PIK3R4: variants seen among roughly 807,000 people sequenced by gnomAD.
PIK3R4 encodes phosphoinositide 3-kinase regulatory subunit 4.
Under a neutral mutation model 136.5 loss-of-function variants are expected in PIK3R4, and 46 were observed. That is an observed-to-expected ratio of 0.34 (90% CI 0.27 to 0.43). The LOEUF is 0.43. Ranked by LOEUF, PIK3R4 falls within the 20% of genes least tolerant of loss-of-function variation. The probability of loss-of-function intolerance (pLI) is 1.00; values close to 1 mark genes in which losing one functional copy is unlikely to be tolerated. For missense variants in PIK3R4, 1,331 were observed against 1,649.5 expected (o/e 0.81, Z 3.35); for synonymous variants, 557 against 566.7 (o/e 0.98, Z 0.24).
intron 3 of PIK3R4, among the ~76,000 whole-genome samples, chr3:130,735,466 T>C (rs539048781): frequency 7.9e-5 from 12 of 152,338 alleles, no homozygotes; most frequent in African/African-American, 2.6e-4. Context: ...CTATATGCAA[T>C]GGCCCTGTAT....
chr3:130,679,692 C>CACTT (rs1449804808), intron 19 of PIK3R4, among the ~76,000 whole-genome samples: 1 of 152,026 alleles, frequency 6.6e-6, no homozygotes, highest in Admixed American at 6.5e-5. Context: ...CATGAGTAGC[C>CACTT]ACTTATAACT....
intron 2 of PIK3R4, 117 bp downstream of exon 2, chr3:130,744,369 G>T: frequency 8.8e-7 from 1 of 1,141,972 alleles, no homozygotes; most frequent in African/African-American, 1.5e-5. Flanking sequence ...AATAGCGTCT[G>T]AGGACAAACC....
At chr3:130,736,214 A>G (rs768624721) in intron 2 of PIK3R4, among the ~76,000 whole-genome samples, 1 of 152,194 alleles carries the variant, frequency 6.6e-6, no homozygotes, top group Non-Finnish European at 1.5e-5. Context: ...GTCAAAGAAG[A>G]GCCATACAAT....
At chr3:130,700,123 TC>T (rs2066567341) in intron 13 of PIK3R4, among the ~76,000 whole-genome samples, 1 of 152,218 alleles carries the variant, frequency 6.6e-6, no homozygotes, top group South Asian at 2.1e-4. Context: ...TCTTTCCCTT[TC>T]TTGCCCCTCT....
At position 130,684,304 on chromosome 3, in the gene PIK3R4, C is replaced by T. The variant is rs774989601; in HGVS notation, c.3553G>A (p.Ala1185Thr). 1.4e-5 allele frequency: 22 copies of T among 1,613,104 alleles called. No individual in the cohort carries two copies. The Admixed American group carries it at 1.7e-4, about 12-fold the overall frequency. ...PISSHCHPSR[A>T]RIRRLSMHPL... is the part of the protein sequence containing the mutation. ...TGCATTGAGAGGCGTCTGATTCGAG[C>T]CCTGGAAGGATGACAGTGACTTGAA... Residue 1185 changes from alanine (A) to threonine (T), a missense_variant, in exon 16 of 20, where the codon GCT becomes ACT. Ala to Thr is a moderately conservative substitution (Grantham distance 58, BLOSUM62 0). Transcript: ENST00000356763.
chr3:130,745,009 C>A lies in PIK3R4; in HGVS notation c.210G>T (p.Glu70Asp), dbSNP rs2066844863. ...TAAGCCTGATTTTCAGTTCCTCCAG[C>A]TCTTGTTTATAGCTGGTTAAAGGCA... ...PTLPLTSYKQ[E>D]LEELKIRLNS... The change falls in exon 2 of 20, where the codon GAG becomes GAT. Residue 70 changes from glutamate (E) to aspartate (D), a missense_variant. Around this residue, in one of 2 missense-constraint regions of PIK3R4, gnomAD observed 151 missense variants for 242.5 expected, o/e 0.62. Transcript: ENST00000356763. 6.2e-7 allele frequency: 1 copy of A among 1,613,876 alleles called. No individual in the cohort carries two copies. Among genetic ancestry groups the A allele is most frequent in the Non-Finnish European group, 8.5e-7 (1 of 1,180,006 alleles).
At chr3:130,689,400 T>C (rs944421204) in intron 14 of PIK3R4, among the ~76,000 whole-genome samples, 2 of 152,190 alleles carry the variant, frequency 1.3e-5, no homozygotes, top group African/African-American at 4.8e-5. Flanking sequence ...TATACAGACA[T>C]CATCTGCGGA....
chr3:130,712,183 T>C (rs2066636329), intron 9 of PIK3R4, among the ~76,000 whole-genome samples: 1 of 152,108 alleles, frequency 6.6e-6, no homozygotes, highest in Non-Finnish European at 1.5e-5. Context: ...ACTACTAACA[T>C]ATTTTCCCAT....
At chr3:130,710,749 A>G (rs1373825105) in intron 9 of PIK3R4, among the ~76,000 whole-genome samples, 4 of 152,192 alleles carry the variant, frequency 2.6e-5, no homozygotes, top group Admixed American at 1.3e-4. Context: ...AAATTGTTCC[A>G]TATACCAGCT....
rs575296703 is a variant in PIK3R4, at chr3:130,715,198, A to G, written c.2331+1198T>C. Among the ~76,000 whole-genome samples, 9 of 139,098 alleles carry G rather than the reference A, an allele frequency of 6.5e-5. No individual in the cohort carries two copies. In the South Asian group the frequency reaches 2.0e-3, roughly 31 times the overall value. The allele number at this position is 139,098 out of a possible 152,430, so 91.3% of individuals were successfully genotyped here. ...GAGTGCAGCGGTGCGATCTTTGCTC[A>G]CTGCAACCTCTGCCTCCCAGGTTCA... On this transcript the variant is annotated intron_variant, in intron 9 of 19. Coordinates refer to ENST00000356763, the MANE Select transcript of PIK3R4 (RefSeq NM_014602.3).
At chr3:130,682,579 T>G (rs1456638023) in intron 16 of PIK3R4, among the ~76,000 whole-genome samples, 1 of 152,122 alleles carries the variant, frequency 6.6e-6, no homozygotes, top group Non-Finnish European at 1.5e-5. Context: ...CATATCAGGC[T>G]GGTTGTATCC....
At chr3:130,719,531 T>C (rs1409979619) in intron 7 of PIK3R4, among the ~76,000 whole-genome samples, 3 of 152,214 alleles carry the variant, frequency 2.0e-5, no homozygotes, top group Non-Finnish European at 4.4e-5. Flanking sequence ...AAGAAGATTT[T>C]GTTTATTTCA....
chr3:130,743,060 T>C (rs2066832738), intron 2 of PIK3R4, among the ~76,000 whole-genome samples: 1 of 152,162 alleles, frequency 6.6e-6, no homozygotes, highest in African/African-American at 2.4e-5. Flanking sequence ...ACTACCTATT[T>C]CCTGATAACT....
intron 2 of PIK3R4, among the ~76,000 whole-genome samples, chr3:130,743,969 C>T (rs1046777753): frequency 5.3e-5 from 8 of 152,188 alleles, no homozygotes; most frequent in South Asian, 2.1e-4. Context: ...AACTACTCTA[C>T]GAAAGTTAAC....
chr3:130,696,328 T>A (rs2066546364), intron 13 of PIK3R4, among the ~76,000 whole-genome samples: 1 of 152,058 alleles, frequency 6.6e-6, no homozygotes, highest in African/African-American at 2.4e-5. Flanking sequence ...TTGCTCTTCT[T>A]CTAGTTTCTT....
At position 130,680,971 on chromosome 3, in the gene PIK3R4, G is replaced by C. The variant is rs372867475; in HGVS notation, c.3797+6C>G. The C allele has an allele frequency of 3.8e-5, 53 of 1,389,426 alleles. No homozygotes were observed. The highest frequency in any genetic ancestry group is 5.3e-5 in the Non-Finnish European group (52 of 987,808). 86.1% of individuals were successfully genotyped at this position (1,389,426 alleles called of 1,614,324 possible). On this transcript the variant is annotated splice_donor_region_variant and intron_variant, in intron 18 of 19. Transcript: ENST00000356763. ...TCCATTTTATTAAAGTATTGAGATA[G>C]TGTACCTTATTTTCATATCTGAGCC...
chr3:130,745,531 T>C (rs553008529), intron 1 of PIK3R4, among the ~76,000 whole-genome samples: 2 of 152,374 alleles, frequency 1.3e-5, no homozygotes, highest in South Asian at 2.1e-4. Context: ...AGCTGAACTA[T>C]ATTTAGATAG....
intron 13 of PIK3R4, among the ~76,000 whole-genome samples, chr3:130,695,489 TCA>T (rs1026805715): frequency 6.6e-6 from 1 of 152,158 alleles, no homozygotes; most frequent in Non-Finnish European, 1.5e-5. Flanking sequence ...TGATAAAATC[TCA>T]CACTGTCCTG....
chr3:130,713,159 A>C (rs910988865), intron 9 of PIK3R4, among the ~76,000 whole-genome samples: 4 of 152,212 alleles, frequency 2.6e-5, no homozygotes, highest in African/African-American at 9.6e-5. Flanking sequence ...AAAAACCGGA[A>C]GCTGGTGTTG....
Sources: gnomAD v4.1 joint callset for allele counts (sites outside exome capture counted in the v4.1 genomes callset) on GRCh38, gnomAD v4.1.1 for gene constraint, gnomAD v4.1.1 regional missense constraint, MANE v1.5 for transcripts, NCBI Gene and HGNC (gene_info 2026-07-23, HGNC 2026-07-21) for gene names.